The following DGLUCY variants were observed in gnomAD, a reference collection of about 807,000 sequenced individuals.
The protein encoded by DGLUCY is D-glutamate cyclase, mitochondrial.
DGLUCY carries 58 observed loss-of-function variants against 58.5 expected under a neutral mutation model. That is an observed-to-expected ratio of 0.99 (90% CI 0.80 to 1.23). The LOEUF (loss-of-function observed/expected upper bound fraction) is 1.23. Ranked by LOEUF, DGLUCY falls within the 50% of genes most tolerant of loss-of-function variation. DGLUCY has a pLI of 0.00. For synonymous variants in DGLUCY, 325 were observed against 314.1 expected (o/e 1.03, Z -0.37); for missense variants, 779 against 784.7 (o/e 0.99, Z 0.09).
At chr14:91,065,098 C>G (rs773952645) in intron 1 of DGLUCY, among the ~76,000 whole-genome samples, 1 of 152,068 alleles carries the variant, frequency 6.6e-6, no homozygotes. Context: ...GTTTCTTCCA[C>G]AGACTTAAGC....
At chr14:91,156,302 T>C (rs1438537745) in intron 1 of DGLUCY, among the ~76,000 whole-genome samples, 1 of 152,008 alleles carries the variant, frequency 6.6e-6, no homozygotes. Context: ...TTTGTAGAGA[T>C]AGGGTTTTGT....
At chr14:91,220,465 G>A (rs1887291629) in intron 13 of DGLUCY, 2 of 456,222 alleles carry the variant, frequency 4.4e-6, no homozygotes, top group Non-Finnish European at 8.8e-6. Context: ...AGGTGTCAGG[G>A]TGTCCCTGAG....
At chr14:91,130,291 G>A (rs2045956092) in intron 1 of DGLUCY, among the ~76,000 whole-genome samples, 1 of 151,286 alleles carries the variant, frequency 6.6e-6, no homozygotes, top group Non-Finnish European at 1.5e-5. Context: ...TTGAAGTGAA[G>A]AATCTTTTCT....
chr14:91,207,843 T>G (rs182685795), intron 12 of DGLUCY, among the ~76,000 whole-genome samples: 478 of 152,184 alleles, frequency 3.1e-3, no homozygotes, highest in South Asian at 0.012. Flanking sequence ...TCCTCCCAAG[T>G]TCAAGCGATT....
chr14:91,225,133 A>G lies in DGLUCY; in HGVS notation c.*300A>G. On this transcript the variant is annotated 3_prime_UTR_variant, in exon 14 of 14. Transcript: ENST00000256324. The stretch of plus-strand genomic sequence containing the variant: ...GCAACCCACGTGGTCTCCTGTGAGA[A>G]TCTTCTCGACAGTTACTTATGGGGA... 4.3e-6 allele frequency: 1 copy of G among 232,214 alleles called. No individual in the cohort carries two copies. Among genetic ancestry groups the G allele is most frequent in the Non-Finnish European group, 8.4e-6 (1 of 119,374 alleles). The allele number at this position is 232,214 out of a possible 1,614,324, so 14.4% of individuals were successfully genotyped here. A position where few individuals can be genotyped will look rare whatever the true frequency, so the allele number is the denominator to read the frequency against.
chr14:91,157,238 G>A (rs1427005908), intron 1 of DGLUCY, among the ~76,000 whole-genome samples: 4 of 112,600 alleles, frequency 3.6e-5, no homozygotes, highest in Non-Finnish European at 7.3e-5. Context: ...TGGGTGGATG[G>A]ATGGATGGAT....
chr14:91,206,667 G>A (rs1884757339), intron 12 of DGLUCY, among the ~76,000 whole-genome samples: 1 of 152,136 alleles, frequency 6.6e-6, no homozygotes, highest in South Asian at 2.1e-4. Context: ...ACAGGCATGA[G>A]CCACTGCGCC....
At chr14:91,184,629 A>AGGGAGGGAGGG (rs1566990744) in intron 8 of DGLUCY, among the ~76,000 whole-genome samples, 1 of 78,292 alleles carries the variant, frequency 1.3e-5, no homozygotes, top group African/African-American at 6.3e-5. Context: ...GGAAGGAAGG[A>AGGGAGGGAGGG]AGGAAGGGAG....
At chr14:91,116,932 G>C (rs2044997267) in intron 1 of DGLUCY, among the ~76,000 whole-genome samples, 1 of 105,082 alleles carries the variant, frequency 9.5e-6, no homozygotes, top group South Asian at 3.7e-4. Flanking sequence ...GACAGAGTGA[G>C]AGTCTGTCTC....
At chr14:91,188,844 T>A in intron 8 of DGLUCY, 66 bp from the exon 9 acceptor site, 1 of 1,476,884 alleles carries the variant, frequency 6.8e-7, no homozygotes, top group Non-Finnish European at 9.1e-7. Context: ...AATAAATACA[T>A]ACATACATAC....
intron 12 of DGLUCY, among the ~76,000 whole-genome samples, chr14:91,206,062 A>T (rs915063296): frequency 6.6e-6 from 1 of 150,694 alleles, no homozygotes; most frequent in Admixed American, 6.6e-5. Flanking sequence ...CTGGTCTCGA[A>T]CTCCTGCCTT....
intron 7 of DGLUCY, among the ~76,000 whole-genome samples, chr14:91,180,257 C>T (rs1566987738): frequency 6.6e-6 from 1 of 151,624 alleles, no homozygotes; most frequent in Non-Finnish European, 1.5e-5. Flanking sequence ...ATTATCATTA[C>T]AGTCAAAGAA....
At chr14:91,156,029 C>T (rs551368773) in intron 1 of DGLUCY, among the ~76,000 whole-genome samples, 4 of 151,898 alleles carry the variant, frequency 2.6e-5, no homozygotes, top group Middle Eastern at 3.2e-3. Context: ...ATGGGCATGT[C>T]GGTTAATAGA....
chr14:91,149,568 G>A (rs1340182267), intron 1 of DGLUCY, among the ~76,000 whole-genome samples: 4 of 152,188 alleles, frequency 2.6e-5, no homozygotes, highest in South Asian at 4.1e-4. Flanking sequence ...ATGACTCAGC[G>A]TTTACTGTTG....
intron 1 of DGLUCY, among the ~76,000 whole-genome samples, chr14:91,090,568 GGCTCTAGGGGA>G (rs1212582258): frequency 3.9e-5 from 6 of 152,138 alleles, no homozygotes. Flanking sequence ...CTCCTGCCAT[GGCTCTAGGGGA>G]GCTCTGTCCT....
At chr14:91,177,837 C>T (rs1362087123) in intron 7 of DGLUCY, among the ~76,000 whole-genome samples, 3 of 152,254 alleles carry the variant, frequency 2.0e-5, no homozygotes, top group Non-Finnish European at 2.9e-5. Flanking sequence ...TGTTGAGAAC[C>T]TGCTATGTGC....
At chr14:91,108,526 T>TGTGTGTGTGTGA (rs1265665234) in intron 1 of DGLUCY, among the ~76,000 whole-genome samples, 58 of 52,186 alleles carry the variant, frequency 1.1e-3, no homozygotes, top group African/African-American at 2.1e-3. Context: ...TGTGTGTGTG[T>TGTGTGTGTGTGA]GAGAGAGAGA....
chr14:91,186,958 A>G (rs559503732), intron 8 of DGLUCY, among the ~76,000 whole-genome samples: 1 of 151,982 alleles, frequency 6.6e-6, no homozygotes, highest in Non-Finnish European at 1.5e-5. Context: ...GTTCTAAATC[A>G]GGAACTGTTC....
At chr14:91,120,618 G>C (rs966071114) in intron 1 of DGLUCY, among the ~76,000 whole-genome samples, 2 of 152,058 alleles carry the variant, frequency 1.3e-5, no homozygotes, top group Non-Finnish European at 2.9e-5. Context: ...CACCATGTTG[G>C]CCAGGCTGGT....
Sources: allele counts gnomAD v4.1 joint callset (sites outside exome capture counted in the v4.1 genomes callset), GRCh38; gene constraint gnomAD v4.1.1; transcripts MANE v1.5; gene names NCBI Gene and HGNC (gene_info 2026-07-23, HGNC 2026-07-21).